ATP2B1: variants seen among roughly 807,000 people sequenced by gnomAD.
ATP2B1 encodes the protein ATPase plasma membrane Ca2+ transporting 1.
Under a neutral mutation model 124.2 loss-of-function variants are expected in ATP2B1, and 14 were observed. The ratio of observed to expected loss-of-function variants is 0.11; its 90% CI spans 0.07 to 0.18. ATP2B1 has a LOEUF of 0.18. Ranked by LOEUF, ATP2B1 falls within the 10% of genes least tolerant of loss-of-function variation. The pLI is 1.00. For missense variants in ATP2B1, 763 were observed against 1,466.1 expected (o/e 0.52, Z 7.83); for synonymous variants, 449 against 492.4 (o/e 0.91, Z 1.17).
chr12:89,605,880 T>A (rs773491529), intron 15 of ATP2B1, among the ~76,000 whole-genome samples: 11 of 152,108 alleles, frequency 7.2e-5, no homozygotes, highest in Non-Finnish European at 1.0e-4. Flanking sequence ...CTAAAATTGG[T>A]AAGAGTGCTA....
chr12:89,706,224 G>A (rs1477687790), intron 1 of ATP2B1, among the ~76,000 whole-genome samples: 1 of 152,060 alleles, frequency 6.6e-6, no homozygotes, highest in Non-Finnish European at 1.5e-5. Flanking sequence ...TTGAATATAA[G>A]TACACCTGCT....
intron 1 of ATP2B1, among the ~76,000 whole-genome samples, chr12:89,666,308 G>T (rs572052931): frequency 5.9e-4 from 90 of 152,196 alleles, no homozygotes; most frequent in African/African-American, 2.0e-3. Context: ...AAACTCTCTG[G>T]TTTCACACAC....
At chr12:89,706,608 C>T (rs1212665775) in intron 1 of ATP2B1, among the ~76,000 whole-genome samples, 1 of 152,188 alleles carries the variant, frequency 6.6e-6, no homozygotes, top group Non-Finnish European at 1.5e-5. Flanking sequence ...CATACAATTG[C>T]AGAAATTTCT....
chr12:89,613,100 C>T (rs1473134846), intron 12 of ATP2B1, among the ~76,000 whole-genome samples: 1 of 151,964 alleles, frequency 6.6e-6, no homozygotes, highest in Admixed American at 6.6e-5. Context: ...CCACCTCAGC[C>T]TCCTGAGTAG....
intron 1 of ATP2B1, among the ~76,000 whole-genome samples, chr12:89,702,373 G>T (rs1013224248): frequency 5.9e-5 from 9 of 152,158 alleles, no homozygotes; most frequent in Non-Finnish European, 1.0e-4. Flanking sequence ...AGAAACTGTG[G>T]TTTAAAATAG....
At chr12:89,616,701 A>T in intron 12 of ATP2B1, 101 bp downstream of exon 12, 1 of 1,163,098 alleles carries the variant, frequency 8.6e-7, no homozygotes, top group Non-Finnish European at 1.2e-6. Context: ...AAAAAAAATC[A>T]CAAACACCAA....
intron 13 of ATP2B1, chr12:89,610,855 G>A: frequency 2.9e-6 from 1 of 345,064 alleles, no homozygotes; most frequent in East Asian, 5.3e-5. Context: ...AAGAAGTTCA[G>A]AGAGTTTGGG....
intron 20 of ATP2B1, chr12:89,594,064 T>A (rs2681481): frequency 0.96 from 145,610 of 152,124 alleles, 69,726 homozygotes; most frequent in East Asian, 0.99. Context: ...AAGCCATATG[T>A]CTGGTTAGTT....
chr12:89,695,696 C>A (rs1593002177), intron 1 of ATP2B1, among the ~76,000 whole-genome samples: 1 of 152,240 alleles, frequency 6.6e-6, no homozygotes, highest in East Asian at 1.9e-4. Context: ...ACAAAAACAT[C>A]TACTCACTGG....
intron 1 of ATP2B1, among the ~76,000 whole-genome samples, chr12:89,678,821 C>T (rs911954710): frequency 2.6e-5 from 4 of 152,130 alleles, no homozygotes; most frequent in Admixed American, 6.6e-5. Flanking sequence ...ACTTCTCATT[C>T]GCACATTTAC....
intron 12 of ATP2B1, among the ~76,000 whole-genome samples, chr12:89,614,673 A>G (rs1163505343): frequency 1.3e-5 from 2 of 152,168 alleles, no homozygotes; most frequent in Non-Finnish European, 2.9e-5. Context: ...CTTTAGTTTC[A>G]TCAGTGATTT....
chr12:89,668,185 C>A (rs761908443), intron 1 of ATP2B1, among the ~76,000 whole-genome samples: 1 of 152,154 alleles, frequency 6.6e-6, no homozygotes, highest in Non-Finnish European at 1.5e-5. Flanking sequence ...CTATTTGTAC[C>A]TCCGGAGGTT....
chr12:89,692,270 T>C (rs1200310682), intron 1 of ATP2B1, among the ~76,000 whole-genome samples: 1 of 152,200 alleles, frequency 6.6e-6, no homozygotes, highest in East Asian at 1.9e-4. Context: ...GACTCAAATT[T>C]TTCTATATTG....
In ATP2B1 at chr12:89,610,033, G is replaced by A. The variant is rs377043447; in HGVS notation, c.2346C>T (p.Asp782=). ...CCTGGCGTTGGTCTGAGACAGTGCT[G>A]TCAATTATACCTTAAATACAAGCAA... ...DKHTLVKGII[D]STVSDQRQVV... is the part of the protein sequence containing the mutation. Residue 782 remains aspartate (D), a synonymous_variant, in exon 15 of 21, where the codon GAC becomes GAT. Transcript: ENST00000428670. 1.2e-6 allele frequency: 2 copies of A among 1,612,558 alleles called. No individual in the cohort carries two copies. Among genetic ancestry groups the A allele is most frequent in the African/African-American group, 2.7e-5 (2 of 74,842 alleles).
At chr12:89,692,391 G>A (rs562987317) in intron 1 of ATP2B1, among the ~76,000 whole-genome samples, 9 of 152,214 alleles carry the variant, frequency 5.9e-5, no homozygotes, top group South Asian at 2.1e-4. Flanking sequence ...AGGCTGGGAC[G>A]ACTGTGTGGA....
At chr12:89,611,703 C>T (rs1878050375) in intron 12 of ATP2B1, 2 of 202,544 alleles carry the variant, frequency 9.9e-6, no homozygotes, top group South Asian at 3.4e-4. Context: ...GCTTTCTACC[C>T]TTCTGGTTTT....
At chr12:89,626,969 G>T (rs1266591274) in intron 7 of ATP2B1, among the ~76,000 whole-genome samples, 2 of 152,108 alleles carry the variant, frequency 1.3e-5, no homozygotes, top group African/African-American at 2.4e-5. Flanking sequence ...TAGAGATTAT[G>T]TATAACCATA....
Position 89,642,465 on chromosome 12 carries a change from T to G in ATP2B1, c.209-110A>C, listed in dbSNP as rs372507963. Reference sequence around the variant, plus strand: ...TCACTCTAGACCCTACCAAAATGTTTACTTTCATGCTTTAAGTGTACAGAA... The same window carrying G: ...TCACTCTAGACCCTACCAAAATGTTGACTTTCATGCTTTAAGTGTACAGAA... On this transcript the variant is annotated intron_variant, in intron 2 of 20. Transcript: ENST00000428670. The G allele has an allele frequency of 3.0e-5, 31 of 1,040,286 alleles. No homozygotes were observed. In the African/African-American group the frequency reaches 4.0e-4, roughly 13 times the overall value. The allele number at this position is 1,040,286 out of a possible 1,614,324, so 64.4% of individuals were successfully genotyped here.
chr12:89,588,201 T>C lies in ATP2B1; in HGVS notation c.*2783A>G, dbSNP rs2135816523. The C allele has an allele frequency of 6.5e-6, 1 of 152,732 alleles. No individual in the cohort carries two copies. Among genetic ancestry groups the C allele is most frequent in the South Asian group, 2.1e-4 (1 of 4,828 alleles). The allele number at this position is 152,732 out of a possible 1,614,324, so 9.5% of individuals were successfully genotyped here. On this transcript the variant is annotated 3_prime_UTR_variant, in exon 21 of 21. Coordinates refer to ENST00000428670, the MANE Select transcript of ATP2B1 (RefSeq NM_001366521.1). Reference sequence around the variant, plus strand: ...CACGGTATCTCAGTTGGCTTACACGTGTAAAAAGAAATTTTCAAAGAGCAA... The same window carrying C: ...CACGGTATCTCAGTTGGCTTACACGCGTAAAAAGAAATTTTCAAAGAGCAA...
Sources: gnomAD v4.1 joint callset for allele counts (sites outside exome capture counted in the v4.1 genomes callset) on GRCh38, gnomAD v4.1.1 for gene constraint, MANE v1.5 for transcripts, NCBI Gene and HGNC (gene_info 2026-07-23, HGNC 2026-07-21) for gene names.